The following WWOX variants were observed in gnomAD, a reference collection of about 807,000 sequenced individuals.
WWOX encodes WW domain-containing oxidoreductase.
In WWOX, 69 loss-of-function variants were observed where a neutral mutation model predicts 46.2. The observed-to-expected ratio is 1.49, with a 90% CI of 1.23 to 1.82. WWOX has a LOEUF of 1.82. WWOX is among the 40% of genes most tolerant of loss of function. The pLI is 0.00. For missense variants in WWOX, 919 were observed against 542.6 expected (o/e 1.69, Z -6.89); for synonymous variants, 359 against 202.6 (o/e 1.77, Z -6.56).
intron 8 of WWOX, among the ~76,000 whole-genome samples, chr16:78,674,093 T>C (rs1172325559): frequency 6.6e-6 from 1 of 152,112 alleles, no homozygotes. Flanking sequence ...TCATGGAATT[T>C]TGCTAAGTGA....
At chr16:78,479,557 T>G (rs998803363) in intron 8 of WWOX, among the ~76,000 whole-genome samples, 2 of 152,212 alleles carry the variant, frequency 1.3e-5, no homozygotes, top group Non-Finnish European at 2.9e-5. Context: ...AATAAGATAT[T>G]TTCATAGTGA....
At chr16:78,405,878 G>A (rs1284792542) in intron 6 of WWOX, among the ~76,000 whole-genome samples, 2 of 152,146 alleles carry the variant, frequency 1.3e-5, no homozygotes. Flanking sequence ...GCAGACACAG[G>A]TGACGAAGTG....
intron 8 of WWOX, among the ~76,000 whole-genome samples, chr16:78,993,199 G>A (rs1333640656): frequency 2.0e-5 from 3 of 151,046 alleles, no homozygotes; most frequent in African/African-American, 7.3e-5. Flanking sequence ...GAGTTTCTGT[G>A]ACAAAGGGAA....
rs557117702 is a variant in WWOX, at chr16:78,397,138, G to C, written c.605+10190G>C. On this transcript the variant is annotated intron_variant, in intron 6 of 8. Transcript: ENST00000566780. Reference sequence around the variant, plus strand: ...AACTCCCCCATGATATTTCACGGCTGAGAGAAGAGGAAAGAGTTTAAGTGG... The same window carrying C: ...AACTCCCCCATGATATTTCACGGCTCAGAGAAGAGGAAAGAGTTTAAGTGG... Among the ~76,000 whole-genome samples the C allele has an allele frequency of 2.0e-5, 3 of 152,318 alleles. No individual in the cohort carries two copies. The South Asian group carries it at 6.2e-4, about 32-fold the overall frequency.
intron 8 of WWOX, among the ~76,000 whole-genome samples, chr16:78,858,603 G>C (rs1232972332): frequency 6.6e-6 from 1 of 152,032 alleles, no homozygotes; most frequent in South Asian, 2.1e-4. Flanking sequence ...TGTGGCTTAG[G>C]AGCTGAGAAG....
intron 8 of WWOX, among the ~76,000 whole-genome samples, chr16:78,936,089 T>C (rs2045731685): frequency 6.6e-6 from 1 of 151,912 alleles, no homozygotes; most frequent in Non-Finnish European, 1.5e-5. Context: ...AGTAATTGGT[T>C]GTGATTGAAA....
At chr16:78,926,862 T>A (rs1476980059) in intron 8 of WWOX, among the ~76,000 whole-genome samples, 1 of 152,168 alleles carries the variant, frequency 6.6e-6, no homozygotes, top group Non-Finnish European at 1.5e-5. Context: ...ATTGGTGCGA[T>A]GAAGGCTTAC....
chr16:78,286,206 A>G (rs1017396810), intron 5 of WWOX, among the ~76,000 whole-genome samples: 2 of 152,268 alleles, frequency 1.3e-5, no homozygotes, highest in East Asian at 3.8e-4. Context: ...CGAAAATCCA[A>G]GAGATGGATG....
intron 8 of WWOX, among the ~76,000 whole-genome samples, chr16:78,819,944 A>T (rs1031648869): frequency 6.6e-6 from 1 of 152,170 alleles, no homozygotes; most frequent in African/African-American, 2.4e-5. Flanking sequence ...GTATTCACTC[A>T]TCTATTCATT....
chr16:78,654,834 G>T (rs539070485), intron 8 of WWOX, among the ~76,000 whole-genome samples: 5 of 151,912 alleles, frequency 3.3e-5, no homozygotes, highest in East Asian at 1.9e-4. Flanking sequence ...TGATTCTTCA[G>T]TAGGGTCGTA....
intron 8 of WWOX, among the ~76,000 whole-genome samples, chr16:78,805,675 C>G (rs562075262): frequency 6.6e-6 from 1 of 152,180 alleles, no homozygotes; most frequent in Admixed American, 6.5e-5. Context: ...ACTTAAACAG[C>G]TTCTTATTTG....
chr16:79,024,081 T>G (rs2151388253), intron 8 of WWOX, among the ~76,000 whole-genome samples: 1 of 152,172 alleles, frequency 6.6e-6, no homozygotes, highest in South Asian at 2.1e-4. Flanking sequence ...AGCAAGCTAG[T>G]GATTGCAGGG....
At chr16:78,361,203 A>G (rs1000504978) in intron 5 of WWOX, among the ~76,000 whole-genome samples, 1 of 152,100 alleles carries the variant, frequency 6.6e-6, no homozygotes, top group African/African-American at 2.4e-5. Context: ...GTATTTTCTC[A>G]TCATTAGCTG....
At chr16:78,105,903 G>A (rs1276754000) in intron 1 of WWOX, among the ~76,000 whole-genome samples, 1 of 152,188 alleles carries the variant, frequency 6.6e-6, no homozygotes, top group East Asian at 1.9e-4. Flanking sequence ...CCAGGTTCAG[G>A]AAATTCTCAT....
intron 8 of WWOX, among the ~76,000 whole-genome samples, chr16:79,033,145 T>TATATATATAATATATATATAAA (rs1318245801): frequency 2.0e-5 from 3 of 146,904 alleles, no homozygotes; most frequent in African/African-American, 5.0e-5. Context: ...GTAGATGTAA[T>TATATATATAATATATATATAAA]ATATATATAA....
At chr16:78,802,422 T>C (rs888346725) in intron 8 of WWOX, among the ~76,000 whole-genome samples, 2 of 152,002 alleles carry the variant, frequency 1.3e-5, no homozygotes, top group African/African-American at 2.4e-5. Context: ...AGCAAGTGTA[T>C]TTAAATAAAC....
At position 78,813,862 on chromosome 16, in the gene WWOX, T is replaced by A. The variant is rs1164118068; in HGVS notation, c.1056+381110T>A. Reference sequence around the variant, plus strand: ...TGCTAATTTCAGGCGGTCAGCACATTTAGCAAGCATGTAGCTGCTTGCCTG... The same window carrying A: ...TGCTAATTTCAGGCGGTCAGCACATATAGCAAGCATGTAGCTGCTTGCCTG... On this transcript the variant is annotated intron_variant, in intron 8 of 8. Coordinates refer to ENST00000566780, the MANE Select transcript of WWOX (RefSeq NM_016373.4). 2.6e-5 allele frequency among the ~76,000 whole-genome samples: 4 copies of A among 152,174 alleles called. No homozygotes were observed. The East Asian group carries it at 7.7e-4, about 29-fold the overall frequency.
chr16:78,253,782 C>G (rs1488325787), intron 5 of WWOX, among the ~76,000 whole-genome samples: 5 of 152,140 alleles, frequency 3.3e-5, no homozygotes, highest in Non-Finnish European at 7.3e-5. Context: ...ATGGAATTTA[C>G]TAAATAAAAC....
At chr16:78,318,892 A>G (rs538466898) in intron 5 of WWOX, among the ~76,000 whole-genome samples, 1 of 152,326 alleles carries the variant, frequency 6.6e-6, no homozygotes, top group Non-Finnish European at 1.5e-5. Context: ...GTATAATTCC[A>G]GGTAGGTAAA....
Sources: gnomAD v4.1 joint callset for allele counts (sites outside exome capture counted in the v4.1 genomes callset) on GRCh38, gnomAD v4.1.1 for gene constraint, MANE v1.5 for transcripts, NCBI Gene and HGNC (gene_info 2026-07-23, HGNC 2026-07-21) for gene names.